KCNH5: variants seen among roughly 807,000 people sequenced by gnomAD.
The protein encoded by KCNH5 is voltage-gated delayed rectifier potassium channel KCNH5.
In KCNH5, 46 loss-of-function variants were observed where a neutral mutation model predicts 96.1. That is an observed-to-expected ratio of 0.48 (90% CI 0.38 to 0.61). The LOEUF is 0.61. KCNH5 is among the 20% of genes least tolerant of loss of function. The probability of loss-of-function intolerance (pLI) is 0.00; values close to 1 mark genes in which losing one functional copy is unlikely to be tolerated. For synonymous variants in KCNH5, 439 were observed against 449.8 expected, an observed-to-expected ratio of 0.98 and a Z score of 0.30; for missense variants, 907 against 1,225.8, an observed-to-expected ratio of 0.74 and a Z score of 3.88.
chr14:62,788,558 T>C (rs1304240872), intron 9 of KCNH5, among the ~76,000 whole-genome samples: 1 of 152,202 alleles, frequency 6.6e-6, no homozygotes, highest in Admixed American at 6.5e-5. Context: ...ACTAAAATGC[T>C]ATCAGTCAGC....
chr14:62,943,623 C>T (rs1889831523), intron 7 of KCNH5, among the ~76,000 whole-genome samples: 1 of 152,066 alleles, frequency 6.6e-6, no homozygotes, highest in Non-Finnish European at 1.5e-5. Context: ...TCTACAAGTG[C>T]TGCAAAAATA....
At chr14:62,793,580 CT>C (rs1012843461) in intron 9 of KCNH5, among the ~76,000 whole-genome samples, 4 of 151,658 alleles carry the variant, frequency 2.6e-5, no homozygotes, top group African/African-American at 9.7e-5. Context: ...CACAGGTTTT[CT>C]TTTTTTCTTT....
intron 8 of KCNH5, among the ~76,000 whole-genome samples, chr14:62,839,637 C>T (rs1033095550): frequency 6.6e-6 from 1 of 152,108 alleles, no homozygotes; most frequent in South Asian, 2.1e-4. Context: ...ATATTTTAAA[C>T]CATCATGACT....
intron 7 of KCNH5, among the ~76,000 whole-genome samples, chr14:62,877,370 T>C (rs1168649487): frequency 6.6e-6 from 1 of 151,862 alleles, no homozygotes; most frequent in African/African-American, 2.4e-5. Context: ...AAAGAGCTTC[T>C]GCACAGCAAA....
At chr14:62,745,251 T>C (rs1885352518) in intron 10 of KCNH5, among the ~76,000 whole-genome samples, 1 of 140,616 alleles carries the variant, frequency 7.1e-6, no homozygotes, top group Non-Finnish European at 1.6e-5. Flanking sequence ...AGAAAATCTC[T>C]GAAAGTCATT....
intron 3 of KCNH5, among the ~76,000 whole-genome samples, chr14:63,005,729 C>T (rs1007056670): frequency 4.6e-5 from 7 of 152,100 alleles, no homozygotes; most frequent in African/African-American, 1.7e-4. Flanking sequence ...TCCCTCCAAA[C>T]TCTGATGGAA....
intron 7 of KCNH5, among the ~76,000 whole-genome samples, chr14:62,887,568 T>C (rs555032814): frequency 2.8e-4 from 43 of 152,100 alleles, no homozygotes; most frequent in Admixed American, 7.2e-4. Context: ...TGAGGTAACA[T>C]TGAGTATTAT....
chr14:62,796,066 AG>A (rs1409378298), intron 9 of KCNH5, among the ~76,000 whole-genome samples: 1 of 151,982 alleles, frequency 6.6e-6, no homozygotes, highest in African/African-American at 2.4e-5. Context: ...CAGAAAGAAG[AG>A]CAAAAGCCAG....
At chr14:62,883,496 T>G (rs745979641) in intron 7 of KCNH5, among the ~76,000 whole-genome samples, 44 of 152,312 alleles carry the variant, frequency 2.9e-4, no homozygotes, top group Non-Finnish European at 2.8e-4. Context: ...CAGGACACTT[T>G]AAAATCAGGA....
chr14:62,939,472 G>A (rs1461119815), intron 7 of KCNH5, among the ~76,000 whole-genome samples: 1 of 152,062 alleles, frequency 6.6e-6, no homozygotes, highest in Non-Finnish European at 1.5e-5. Flanking sequence ...AGAATAACCT[G>A]CAGGAAAAAG....
chr14:62,804,647 CG>C (rs967938846), intron 8 of KCNH5, among the ~76,000 whole-genome samples: 1 of 152,140 alleles, frequency 6.6e-6, no homozygotes. Context: ...CTCAAGAGGA[CG>C]TAAGTCTGGG....
chr14:62,864,467 G>C (rs77504522), intron 7 of KCNH5, among the ~76,000 whole-genome samples: 16,247 of 152,096 alleles, frequency 0.11, 1,120 homozygotes, highest in East Asian at 0.27. Context: ...CTGACCTGAG[G>C]CTTTAAAATG....
intron 6 of KCNH5, among the ~76,000 whole-genome samples, chr14:62,960,454 C>T (rs778595335): frequency 6.6e-6 from 1 of 152,118 alleles, no homozygotes; most frequent in African/African-American, 2.4e-5. Context: ...ATATAAATCT[C>T]TCATAATAAT....
intron 8 of KCNH5, among the ~76,000 whole-genome samples, chr14:62,834,509 A>C (rs1887426214): frequency 6.6e-6 from 1 of 152,010 alleles, no homozygotes; most frequent in Admixed American, 6.6e-5. Context: ...TCTGTATCAT[A>C]CTTCAGATTT....
intron 10 of KCNH5, among the ~76,000 whole-genome samples, chr14:62,758,195 G>A (rs1188916454): frequency 1.3e-5 from 2 of 151,586 alleles, no homozygotes; most frequent in Admixed American, 6.6e-5. Context: ...GTATTTGATG[G>A]CACAACAGGG....
intron 8 of KCNH5, among the ~76,000 whole-genome samples, chr14:62,838,085 C>G (rs1436326822): frequency 6.6e-6 from 1 of 152,130 alleles, no homozygotes; most frequent in Non-Finnish European, 1.5e-5. Context: ...TGACTTCTTC[C>G]TTGGCACCAA....
chr14:62,832,279 G>A (rs1025173493), intron 8 of KCNH5, among the ~76,000 whole-genome samples: 1 of 151,912 alleles, frequency 6.6e-6, no homozygotes, highest in African/African-American at 2.4e-5. Context: ...TGTATGCATT[G>A]AATAGCAACT....
At chr14:62,957,027 T>C (rs1045286941) in intron 6 of KCNH5, among the ~76,000 whole-genome samples, 21 of 152,186 alleles carry the variant, frequency 1.4e-4, no homozygotes, top group African/African-American at 4.6e-4. Context: ...GAATATCAAA[T>C]ACATCAAGTG....
Position 62,909,831 on chromosome 14 carries a change from C to A in KCNH5, c.1369+40302G>T, listed in dbSNP as rs563805372. Among the ~76,000 whole-genome samples, 3 of 152,232 alleles carry A rather than the reference C, an allele frequency of 2.0e-5. No individual in the cohort carries two copies. The East Asian group carries it at 5.8e-4, about 29-fold the overall frequency. ...CAGCCCATCTAACTGAGAGTACAAA[C>A]CCCCCAAACACACTCTGCTCCTTAT... On this transcript the variant is annotated intron_variant, in intron 7 of 10. Coordinates refer to ENST00000322893, the MANE Select transcript of KCNH5 (RefSeq NM_139318.5).
Sources: gnomAD v4.1 joint callset for allele counts (sites outside exome capture counted in the v4.1 genomes callset) on GRCh38, gnomAD v4.1.1 for gene constraint, MANE v1.5 for transcripts, NCBI Gene and HGNC (gene_info 2026-07-23, HGNC 2026-07-21) for gene names.